The following ATXN7L1 variants were observed in gnomAD, a reference collection of about 807,000 sequenced individuals.
ATXN7L1 encodes ataxin-7-like protein 1.
ATXN7L1 carries 15 observed loss-of-function variants against 70.8 expected under a neutral mutation model. That is an observed-to-expected ratio of 0.21 (90% CI 0.14 to 0.33). ATXN7L1 has a LOEUF of 0.33. Ranked by LOEUF, ATXN7L1 falls within the 10% of genes least tolerant of loss-of-function variation. The pLI, the probability that ATXN7L1 is intolerant of heterozygous loss-of-function variation, is 1.00. For synonymous variants in ATXN7L1, 440 were observed against 445.1 expected (o/e 0.99, Z 0.14); for missense variants, 975 against 1,097.1 (o/e 0.89, Z 1.57).
intron 7 of ATXN7L1, among the ~76,000 whole-genome samples, chr7:105,628,068 C>T (rs892458110): frequency 2.6e-5 from 4 of 151,684 alleles, no homozygotes; most frequent in African/African-American, 9.7e-5. Context: ...TGGTCTTGAA[C>T]TCTTGACCTC....
chr7:105,672,266 A>T (rs937205381), intron 3 of ATXN7L1, among the ~76,000 whole-genome samples: 80 of 152,134 alleles, frequency 5.3e-4, no homozygotes, highest in African/African-American at 1.7e-3. Context: ...AGTCTCGGCG[A>T]CAGAGTGAGA....
At chr7:105,689,273 G>A (rs992470913) in intron 3 of ATXN7L1, among the ~76,000 whole-genome samples, 5 of 152,134 alleles carry the variant, frequency 3.3e-5, no homozygotes, top group Non-Finnish European at 7.4e-5. Flanking sequence ...GGGGTGGAGG[G>A]AAGAATCAAA....
chr7:105,616,461 C>G (rs1372437639), intron 9 of ATXN7L1, among the ~76,000 whole-genome samples: 1 of 152,174 alleles, frequency 6.6e-6, no homozygotes, highest in African/African-American at 2.4e-5. Context: ...CCAAAGGGAT[C>G]AAATACAAGA....
chr7:105,761,168 G>C (rs1800481695), intron 3 of ATXN7L1: 1 of 1,282,888 alleles, frequency 7.8e-7, no homozygotes, highest in Non-Finnish European at 9.8e-7. Flanking sequence ...AAAATGAAGA[G>C]AAGAACCCCA....
At chr7:105,789,789 G>C (rs1460044229) in intron 2 of ATXN7L1, among the ~76,000 whole-genome samples, 1 of 152,052 alleles carries the variant, frequency 6.6e-6, no homozygotes, top group Non-Finnish European at 1.5e-5. Flanking sequence ...GCAAAGAAGT[G>C]ACGGGATCAG....
At chr7:105,711,875 G>A (rs1383515831) in intron 3 of ATXN7L1, among the ~76,000 whole-genome samples, 2 of 152,236 alleles carry the variant, frequency 1.3e-5, no homozygotes, top group Non-Finnish European at 2.9e-5. Context: ...TTTCACCTCT[G>A]CACTGCCCTA....
intron 2 of ATXN7L1, among the ~76,000 whole-genome samples, chr7:105,804,125 TC>T (rs1339820734): frequency 6.6e-6 from 1 of 152,174 alleles, no homozygotes. Flanking sequence ...GTGCCCAGCT[TC>T]CTTTCTGGCC....
chr7:105,700,289 T>C (rs931612392), intron 3 of ATXN7L1, among the ~76,000 whole-genome samples: 13 of 152,064 alleles, frequency 8.5e-5, no homozygotes, highest in Non-Finnish European at 1.6e-4. Context: ...GCGGATCACC[T>C]GAGGCCAGGA....
intron 3 of ATXN7L1, chr7:105,691,609 ATGT>A (rs1008980047): frequency 2.6e-5 from 4 of 151,076 alleles, no homozygotes; most frequent in Non-Finnish European, 2.9e-5. Flanking sequence ...GACTGTAAAC[ATGT>A]TGTACTTTTG....
chr7:105,756,762 C>T (rs1338424428), intron 3 of ATXN7L1, among the ~76,000 whole-genome samples: 1 of 152,126 alleles, frequency 6.6e-6, no homozygotes, highest in Non-Finnish European at 1.5e-5. Context: ...ATTTTCAAGG[C>T]TTGATCAAAT....
chr7:105,624,779 CA>C (rs754792236), intron 7 of ATXN7L1, among the ~76,000 whole-genome samples: 8 of 152,164 alleles, frequency 5.3e-5, no homozygotes, highest in Non-Finnish European at 7.3e-5. Context: ...TCCAGTGACA[CA>C]GTCAAGTTAG....
At chr7:105,660,084 C>A (rs1030617786) in intron 4 of ATXN7L1, among the ~76,000 whole-genome samples, 3 of 151,976 alleles carry the variant, frequency 2.0e-5, no homozygotes, top group Non-Finnish European at 4.4e-5. Context: ...CAAAGTCCTG[C>A]GGAGTTTTCC....
rs763753945 is a variant in ATXN7L1 at position 105,761,407 on chromosome 7, TG to T, written c.355+27196del. 3.1e-6 allele frequency: 5 copies of T among 1,614,182 alleles called. No individual in the cohort carries two copies. The South Asian group carries it at 4.4e-5, about 14-fold the overall frequency. ...ACCTGATGCTTCTCTATGGCTTGGC[TG>T]CTCTCTGGTCCACTCCTGGAGATGC... On this transcript the variant is annotated intron_variant, in intron 3 of 11. Transcript: ENST00000419735.
At position 105,875,830 on chromosome 7, in the gene ATXN7L1, T is replaced by A; in HGVS notation, c.232A>T (p.Met78Leu). 6.2e-7 allele frequency: 1 copy of A among 1,613,466 alleles called. No homozygotes were observed. Among genetic ancestry groups the A allele is most frequent in the East Asian group, 2.2e-5 (1 of 44,836 alleles). The part of the protein sequence containing the change: ...GKEGGKSREV[M>L]RLNKEDMHLF... ...CACTTACCTTCTTTATTAAGCCTCA[T>A]AACCTCCCTGCTTTTTCCACCCTCT... The change falls in exon 2 of 12, where the codon ATG becomes TTG. Residue 78 changes from methionine to leucine, a missense_variant. Physicochemically the swap from Met to Leu is conservative, Grantham distance 15. This residue lies in a region of ATXN7L1 where 135 missense variants were observed against 132.6 expected (regional missense o/e 1.02). Coordinates refer to ENST00000419735, the MANE Select transcript of ATXN7L1 (RefSeq NM_020725.2).
chr7:105,846,714 C>T (rs1814098817), intron 2 of ATXN7L1, among the ~76,000 whole-genome samples: 1 of 152,174 alleles, frequency 6.6e-6, no homozygotes, highest in Non-Finnish European at 1.5e-5. Flanking sequence ...ATCCAAATGT[C>T]CATCAACTGG....
chr7:105,829,523 C>T (rs1811312186), intron 2 of ATXN7L1, among the ~76,000 whole-genome samples: 1 of 152,066 alleles, frequency 6.6e-6, no homozygotes, highest in Non-Finnish European at 1.5e-5. Flanking sequence ...TCCTATGGGC[C>T]AGCATGGAGG....
rs746782761 is a variant in ATXN7L1 at position 105,614,310 on chromosome 7, T to A, written c.2024A>T (p.Lys675Ile). ...SLSSPLSGPH[K>I]KNCVLNASSA... is the part of the protein sequence containing the mutation. ...ACTGGCATTCAAAACACAGTTCTTTTTGTGAGGCCCTGACAGTGGAGACGA... is the reference window on the plus strand; with the variant it reads ...ACTGGCATTCAAAACACAGTTCTTTATGTGAGGCCCTGACAGTGGAGACGA... The change falls in exon 10 of 12, where the codon AAA becomes ATA. Residue 675 changes from lysine to isoleucine, a missense_variant. Physicochemically the swap from Lys to Ile is moderately radical, Grantham distance 102. Around this residue, in one of 5 missense-constraint regions of ATXN7L1, gnomAD observed 635 missense variants for 699.4 expected, o/e 0.91. Transcript: ENST00000419735. This position sits in a 1 kb window ranked among gnomAD's most constrained non-coding sequence, Gnocchi z 4.3. 1 of 1,552,236 alleles carries A rather than the reference T, an allele frequency of 6.4e-7. No individual in the cohort carries two copies. Among genetic ancestry groups the A allele is most frequent in the Non-Finnish European group, 8.7e-7 (1 of 1,147,092 alleles).
At chr7:105,811,370 C>T (rs769836201) in intron 2 of ATXN7L1, among the ~76,000 whole-genome samples, 9 of 152,260 alleles carry the variant, frequency 5.9e-5, no homozygotes, top group South Asian at 2.1e-4. Flanking sequence ...TCAGAGAGAG[C>T]GCAGCCCTGC....
chr7:105,700,167 T>C (rs1197290041), intron 3 of ATXN7L1, among the ~76,000 whole-genome samples: 1 of 152,082 alleles, frequency 6.6e-6, no homozygotes, highest in Non-Finnish European at 1.5e-5. Context: ...GATGTTTTCT[T>C]TTGTGAAAGG....
Sources: gnomAD v4.1 joint callset for allele counts (sites outside exome capture counted in the v4.1 genomes callset) on GRCh38, gnomAD v4.1.1 for gene constraint, gnomAD v4.1.1 regional missense constraint, Gnocchi (gnomAD v3.1) non-coding constraint, MANE v1.5 for transcripts, NCBI Gene and HGNC (gene_info 2026-07-23, HGNC 2026-07-21) for gene names.